AJAP1: variants seen among roughly 807,000 people sequenced by gnomAD.
AJAP1 encodes adherens junction-associated protein 1.
AJAP1 carries 5 observed loss-of-function variants against 35.0 expected under a neutral mutation model. The ratio of observed to expected loss-of-function variants is 0.14; its 90% CI spans 0.07 to 0.30. The LOEUF (loss-of-function observed/expected upper bound fraction) is 0.30. Among genes scored for constraint, AJAP1 ranks in the 10% least tolerant of loss-of-function variants. The pLI is 1.00. For missense variants in AJAP1, 586 were observed against 571.0 expected (o/e 1.03, Z -0.27); for synonymous variants, 284 against 249.3 (o/e 1.14, Z -1.31).
chr1:4,659,780 G>A (rs188298858), intron 1 of AJAP1, among the ~76,000 whole-genome samples: 240 of 152,314 alleles, frequency 1.6e-3, no homozygotes, highest in Non-Finnish European at 2.7e-3. Context: ...GGACCAAATT[G>A]AGGACTAGCT....
intron 1 of AJAP1, among the ~76,000 whole-genome samples, chr1:4,703,529 G>A (rs1640034652): frequency 6.6e-6 from 1 of 152,172 alleles, no homozygotes; most frequent in South Asian, 2.1e-4. Flanking sequence ...AGGGAACTTG[G>A]AATTAGAGGA....
chr1:4,703,929 G>C (rs992139920), intron 1 of AJAP1, among the ~76,000 whole-genome samples: 2 of 152,214 alleles, frequency 1.3e-5, no homozygotes, highest in South Asian at 2.1e-4. Flanking sequence ...GGCAGTGCAG[G>C]CTGTCTGCCC....
rs1642227730 is a variant in AJAP1 at position 4,790,223 on chromosome 1, T to C, written c.*7738T>C. The stretch of plus-strand genomic sequence containing the variant: ...TGCTGCTCCCAGGGGAACCCTCTCC[T>C]GTTGCCTCCGCAGTCTATTCTGGGG... On this transcript the variant is annotated 3_prime_UTR_variant, in exon 6 of 6. Coordinates refer to ENST00000378191, the MANE Select transcript of AJAP1 (RefSeq NM_018836.4). 1 of 152,276 alleles carries C rather than the reference T, an allele frequency of 6.6e-6. No homozygotes were observed. Among genetic ancestry groups the C allele is most frequent in the Non-Finnish European group, 1.5e-5 (1 of 68,056 alleles). The allele number at this position is 152,276 out of a possible 1,614,324, so 9.4% of individuals were successfully genotyped here.
intron 2 of AJAP1, among the ~76,000 whole-genome samples, chr1:4,713,906 C>T (rs922958915): frequency 1.3e-5 from 2 of 152,214 alleles, no homozygotes. Context: ...AAGAGAACTG[C>T]TCTTCAGAGC....
chr1:4,663,217 G>C (rs921277564), intron 1 of AJAP1, among the ~76,000 whole-genome samples: 1 of 152,096 alleles, frequency 6.6e-6, no homozygotes, highest in Non-Finnish European at 1.5e-5. Context: ...GAGCTCAAGC[G>C]ATCATCCCAC....
chr1:4,673,220 T>TG (rs1046131173), intron 1 of AJAP1, among the ~76,000 whole-genome samples: 6 of 152,038 alleles, frequency 3.9e-5, no homozygotes, highest in East Asian at 1.9e-4. Context: ...TAGGTGGGGT[T>TG]GGGGGGGTGT....
chr1:4,683,378 T>C (rs1639531414), intron 1 of AJAP1, among the ~76,000 whole-genome samples: 1 of 152,210 alleles, frequency 6.6e-6, no homozygotes, highest in Non-Finnish European at 1.5e-5. Context: ...CCGCCCTCAC[T>C]GTTTCCCATT....
At chr1:4,743,583 G>C (rs986297153) in intron 2 of AJAP1, among the ~76,000 whole-genome samples, 1 of 152,164 alleles carries the variant, frequency 6.6e-6, no homozygotes, top group African/African-American at 2.4e-5. Context: ...CCCGACAGCA[G>C]GCCTGCAAAG....
intron 1 of AJAP1, among the ~76,000 whole-genome samples, chr1:4,668,623 AGAGGAG>A (rs1330858209): frequency 2.6e-5 from 4 of 152,210 alleles, no homozygotes; most frequent in Non-Finnish European, 2.9e-5. Flanking sequence ...GAGGACTCCA[AGAGGAG>A]TGTGCCCGTA....
At position 4,772,174 on chromosome 1, in the gene AJAP1, C is replaced by T. The variant is rs16839650; in HGVS notation, c.918-106C>T. ...AATTACCGTTTAATATGAAATGATG[C>T]GTAGCTCACGCCTGCAAGCGAAAGA... On this transcript the variant is annotated intron_variant, in intron 3 of 5. Transcript: ENST00000378191. The T allele has an allele frequency of 1.7e-3, 2,479 of 1,417,372 alleles. 41 individuals are homozygous for T. In the African/African-American group the frequency reaches 0.031, roughly 18 times the overall value. The allele number at this position is 1,417,372 out of a possible 1,614,324, so 87.8% of individuals were successfully genotyped here. A position where few individuals can be genotyped will look rare whatever the true frequency, so the allele number is the denominator to read the frequency against.
chr1:4,680,665 A>C (rs910505064), intron 1 of AJAP1, among the ~76,000 whole-genome samples: 1 of 152,240 alleles, frequency 6.6e-6, no homozygotes, highest in Non-Finnish European at 1.5e-5. Context: ...AGTCTGGTAC[A>C]TATGCTGGGC....
Position 4,765,807 on chromosome 1 carries a change from A to C in AJAP1, c.830-4046A>C, listed in dbSNP as rs569091845. On this transcript the variant is annotated intron_variant, in intron 2 of 5. Coordinates refer to ENST00000378191, the MANE Select transcript of AJAP1 (RefSeq NM_018836.4). The stretch of plus-strand genomic sequence containing the variant: ...GACTTCTCAAGGGAAACCTTCATGC[A>C]AAGTGACTTATTATCAAGTGGCTTC... 1.3e-4 allele frequency among the ~76,000 whole-genome samples: 20 copies of C among 152,332 alleles called. 1 individual carries two copies. In the South Asian group the frequency reaches 2.9e-3, roughly 22 times the overall value.
chr1:4,762,562 G>A (rs191157365), intron 2 of AJAP1, among the ~76,000 whole-genome samples: 5 of 152,294 alleles, frequency 3.3e-5, no homozygotes, highest in Admixed American at 3.3e-4. Flanking sequence ...ATGAGACAGT[G>A]CTGTCTACAT....
At chr1:4,725,878 G>A (rs143548211) in intron 2 of AJAP1, among the ~76,000 whole-genome samples, 2 of 152,280 alleles carry the variant, frequency 1.3e-5, no homozygotes, top group East Asian at 1.9e-4. Flanking sequence ...ATGGATTAGA[G>A]TCCACCCTAA....
At chr1:4,719,704 C>G (rs954600884) in intron 2 of AJAP1, among the ~76,000 whole-genome samples, 2 of 152,190 alleles carry the variant, frequency 1.3e-5, no homozygotes, top group Non-Finnish European at 2.9e-5. Flanking sequence ...CCTCCTCTAG[C>G]TCCGAATTGC....
chr1:4,690,513 G>A lies in AJAP1; in HGVS notation c.30-21387G>A, dbSNP rs549650994. Among the ~76,000 whole-genome samples, 33 of 152,298 alleles carry A rather than the reference G, an allele frequency of 2.2e-4. 2 individuals are homozygous for A. In the South Asian group the frequency reaches 6.2e-3, roughly 29 times the overall value. ...TGCAGTACGGGAGAGGGGACGTCGC[G>A]GCTGCTTTCTGCGCCTCTTGGCTGG... On this transcript the variant is annotated intron_variant, in intron 1 of 5. Coordinates refer to ENST00000378191, the MANE Select transcript of AJAP1 (RefSeq NM_018836.4).
In AJAP1 at chr1:4,723,334, G is replaced by A. The variant is rs546663954; in HGVS notation, c.829+10635G>A. On this transcript the variant is annotated intron_variant, in intron 2 of 5. Coordinates refer to ENST00000378191, the MANE Select transcript of AJAP1 (RefSeq NM_018836.4). The surrounding 1 kb of genome is among the most constrained non-coding windows in gnomAD (Gnocchi z 4.3). ...CCTTGGATTCCTGAGTCTGCCACTC[G>A]GGGGCTGGTGCAGCCCGGAGTAGAA... Among the ~76,000 whole-genome samples the A allele has an allele frequency of 3.9e-5, 6 of 152,300 alleles. No individual in the cohort carries two copies. The highest frequency in any genetic ancestry group is 2.1e-4 in the South Asian group (1 of 4,818).
intron 1 of AJAP1, among the ~76,000 whole-genome samples, chr1:4,671,325 C>A (rs889523552): frequency 3.3e-5 from 5 of 150,708 alleles, no homozygotes; most frequent in African/African-American, 9.8e-5. Flanking sequence ...GCTGAGATTG[C>A]GCCACTGCAC....
At position 4,791,967 on chromosome 1, in the gene AJAP1, C is replaced by G. The variant is rs137866160; in HGVS notation, c.*9482C>G. The G allele has an allele frequency of 3.9e-5, 6 of 152,118 alleles. No individual in the cohort carries two copies. Among genetic ancestry groups the G allele is most frequent in the Admixed American group, 3.9e-4 (6 of 15,290 alleles). 9.4% of individuals were successfully genotyped at this position (152,118 alleles called of 1,614,324 possible). On this transcript the variant is annotated 3_prime_UTR_variant, in exon 6 of 6. Transcript: ENST00000378191. ...CACAGGACAAGAAATTAAACAGCAA[C>G]GGCCACATGGCCTCTTTTTTCACAG...
Sources: allele counts gnomAD v4.1 joint callset (sites outside exome capture counted in the v4.1 genomes callset), GRCh38; gene constraint gnomAD v4.1.1; non-coding constraint Gnocchi (gnomAD v3.1); transcripts MANE v1.5; gene names NCBI Gene and HGNC (gene_info 2026-07-23, HGNC 2026-07-21).